The following PPP1R14C variants were observed in gnomAD, a reference collection of about 807,000 sequenced individuals.
PPP1R14C encodes protein phosphatase 1 regulatory subunit 14C.
In PPP1R14C, 16 loss-of-function variants were observed where a neutral mutation model predicts 20.4. The observed-to-expected ratio is 0.78, with a 90% CI of 0.53 to 1.19. The LOEUF (loss-of-function observed/expected upper bound fraction) is 1.19, where lower values mean the gene tolerates loss of function less well. Ranked by LOEUF, PPP1R14C falls within the 50% of genes most tolerant of loss-of-function variation. The pLI is 0.00. For missense variants in PPP1R14C, 211 were observed against 220.1 expected (o/e 0.96, Z 0.26); for synonymous variants, 91 against 91.0 (o/e 1.00, Z 0.00).
At chr6:150,160,256 C>CTTTTTTTTTTTTTTT (rs535189665) in intron 1 of PPP1R14C, among the ~76,000 whole-genome samples, 1 of 100,890 alleles carries the variant, frequency 9.9e-6, no homozygotes, top group African/African-American at 4.1e-5. Context: ...GTAGCTCATT[C>CTTTTTTTTTTTTTTT]TTTTTTTTTT....
At chr6:150,214,135 G>A (rs971978437) in intron 1 of PPP1R14C, among the ~76,000 whole-genome samples, 1 of 152,148 alleles carries the variant, frequency 6.6e-6, no homozygotes, top group Admixed American at 6.5e-5. Context: ...GTTGGACCAC[G>A]TGTCTTCTCT....
At position 150,199,723 on chromosome 6, in the gene PPP1R14C, G is replaced by A. The variant is rs141781773; in HGVS notation, c.307-15021G>A. Among the ~76,000 whole-genome samples the A allele has an allele frequency of 4.0e-3, 605 of 152,206 alleles. 5 individuals are homozygous for A. The highest frequency in any genetic ancestry group is 2.8e-3 in the Non-Finnish European group (189 of 68,012). On this transcript the variant is annotated intron_variant, in intron 1 of 3. Transcript: ENST00000361131. ...CATCTCTGCAAAATTTTTAACATTA[G>A]CCAGGCTTAGTGGCACGCATCTGCA... is the stretch of plus-strand genomic sequence containing the variant.
chr6:150,178,716 C>T (rs1319098456), intron 1 of PPP1R14C, among the ~76,000 whole-genome samples: 1 of 152,158 alleles, frequency 6.6e-6, no homozygotes, highest in African/African-American at 2.4e-5. Flanking sequence ...TAACCAGGGT[C>T]TTTATACTGT....
chr6:150,183,877 A>G (rs1777648881), intron 1 of PPP1R14C, among the ~76,000 whole-genome samples: 1 of 152,222 alleles, frequency 6.6e-6, no homozygotes, highest in Non-Finnish European at 1.5e-5. Context: ...TCTCATGTTG[A>G]TGTATATTTA....
At chr6:150,218,666 A>G (rs1778129156) in intron 3 of PPP1R14C, among the ~76,000 whole-genome samples, 1 of 150,982 alleles carries the variant, frequency 6.6e-6, no homozygotes, top group African/African-American at 2.4e-5. Flanking sequence ...TTTTTCTTTT[A>G]GAGACAGGGT....
intron 1 of PPP1R14C, among the ~76,000 whole-genome samples, chr6:150,148,908 A>G (rs2114849171): frequency 6.6e-6 from 1 of 152,258 alleles, no homozygotes. Flanking sequence ...TACAAAAAAT[A>G]CAAAAATTAG....
At chr6:150,196,200 A>G in intron 1 of PPP1R14C, 1 of 878,268 alleles carries the variant, frequency 1.1e-6, no homozygotes, top group South Asian at 5.2e-5. Flanking sequence ...AGAAACTGGC[A>G]AAGATTTATG....
intron 1 of PPP1R14C, among the ~76,000 whole-genome samples, chr6:150,161,776 CT>C (rs1777371312): frequency 6.6e-6 from 1 of 152,228 alleles, no homozygotes; most frequent in African/African-American, 2.4e-5. Flanking sequence ...CCCTTTTCCC[CT>C]ATCCCCTTCA....
intron 3 of PPP1R14C, among the ~76,000 whole-genome samples, chr6:150,236,653 TTA>T (rs1778365143): frequency 8.7e-6 from 1 of 114,604 alleles, no homozygotes; most frequent in African/African-American, 3.9e-5. Flanking sequence ...GTGTGTGTGT[TTA>T]GCCAGGAGGG....
chr6:150,197,319 T>C (rs1257169128), intron 1 of PPP1R14C, among the ~76,000 whole-genome samples: 2 of 152,230 alleles, frequency 1.3e-5, no homozygotes, highest in Non-Finnish European at 2.9e-5. Flanking sequence ...CTGGACTTTC[T>C]AGCCACTGTC....
chr6:150,168,025 G>C, intron 1 of PPP1R14C, among the ~76,000 whole-genome samples: 2 of 100 alleles, frequency 0.02, no homozygotes, highest in Non-Finnish European at 0.034. Flanking sequence ...CACCCTTTCT[G>C]CGGCCCCTCC....
At chr6:150,213,343 T>G (rs1399661955) in intron 1 of PPP1R14C, among the ~76,000 whole-genome samples, 1 of 111,952 alleles carries the variant, frequency 8.9e-6, no homozygotes, top group Non-Finnish European at 1.8e-5. Flanking sequence ...ACTTTTGTGT[T>G]GTAACACACA....
intron 1 of PPP1R14C, among the ~76,000 whole-genome samples, chr6:150,166,685 G>C (rs1473704747): frequency 1.3e-5 from 2 of 152,200 alleles, no homozygotes; most frequent in Non-Finnish European, 2.9e-5. Flanking sequence ...GCCACTGGGA[G>C]AGGCAGCCTC....
intron 1 of PPP1R14C, among the ~76,000 whole-genome samples, chr6:150,209,445 TATGTGTGC>T (rs1777993247): frequency 6.6e-6 from 1 of 152,124 alleles, no homozygotes; most frequent in Non-Finnish European, 1.5e-5. Flanking sequence ...TGTATGTGTG[TATGTGTGC>T]ATGTGAGTGT....
At chr6:150,216,634 T>G (rs1434935835) in intron 2 of PPP1R14C, among the ~76,000 whole-genome samples, 190 bp from the exon 3 acceptor site, 1 of 152,182 alleles carries the variant, frequency 6.6e-6, no homozygotes, top group Non-Finnish European at 1.5e-5. Context: ...GAAGAATTTA[T>G]GAAGGTTAAA....
chr6:150,241,624 C>A (rs1476317065), intron 3 of PPP1R14C, among the ~76,000 whole-genome samples: 1 of 152,100 alleles, frequency 6.6e-6, no homozygotes, highest in Non-Finnish European at 1.5e-5. Context: ...CAGTGGCTCA[C>A]GCTTGTAATC....
intron 1 of PPP1R14C, among the ~76,000 whole-genome samples, chr6:150,151,023 T>A (rs1477313636): frequency 1.3e-5 from 2 of 149,044 alleles, no homozygotes; most frequent in Non-Finnish European, 2.9e-5. Flanking sequence ...TGGCTCTCTG[T>A]TTTTTTTGTT....
chr6:150,145,839 A>G (rs1777174430), intron 1 of PPP1R14C, among the ~76,000 whole-genome samples: 1 of 152,244 alleles, frequency 6.6e-6, no homozygotes, highest in Non-Finnish European at 1.5e-5. Context: ...GGCTTGAGTT[A>G]TCTGCTGAGT....
chr6:150,155,335 C>A (rs912050079), intron 1 of PPP1R14C, among the ~76,000 whole-genome samples: 3 of 152,082 alleles, frequency 2.0e-5, no homozygotes, highest in Admixed American at 1.3e-4. Flanking sequence ...AGAACTTATT[C>A]TTTGTAATAT....
Sources: allele counts gnomAD v4.1 joint callset (sites outside exome capture counted in the v4.1 genomes callset), GRCh38; gene constraint gnomAD v4.1.1; transcripts MANE v1.5; gene names NCBI Gene and HGNC (gene_info 2026-07-23, HGNC 2026-07-21).